The following CLVS1 variants were observed in gnomAD, a reference collection of about 807,000 sequenced individuals.
The protein encoded by CLVS1 is clavesin 1, also known as clavesin-1.
Under a neutral mutation model 33.1 loss-of-function variants are expected in CLVS1, and 10 were observed. The observed-to-expected ratio is 0.30, with a 90% confidence interval of 0.19 to 0.51. The LOEUF is 0.51. Ranked by LOEUF, CLVS1 falls within the 20% of genes least tolerant of loss-of-function variation. The probability of loss-of-function intolerance (pLI) is 0.97; values close to 1 mark genes in which losing one functional copy is unlikely to be tolerated. For missense variants in CLVS1, 343 were observed against 433.4 expected, an observed-to-expected ratio of 0.79 and a Z score of 1.85; for synonymous variants, 163 against 166.1, an observed-to-expected ratio of 0.98 and a Z score of 0.14.
At chr8:61,026,051 A>G in the CLVS1 span, among the ~76,000 whole-genome samples, 1 of 99,012 alleles carries the variant, frequency 1.0e-5, no homozygotes, top group Non-Finnish European at 2.0e-5. Context: ...CTACCCCTCC[A>G]ATTCACATGT....
chr8:61,208,624 C>G (rs1174089485), intron 2 of CLVS1, among the ~76,000 whole-genome samples: 2 of 151,894 alleles, frequency 1.3e-5, no homozygotes, highest in African/African-American at 4.8e-5. Context: ...GAGTCTCACT[C>G]TGTCGCCAGG....
intron 2 of CLVS1, among the ~76,000 whole-genome samples, chr8:61,215,422 T>G (rs988661184): frequency 6.6e-6 from 1 of 152,220 alleles, no homozygotes; most frequent in Non-Finnish European, 1.5e-5. Flanking sequence ...AAAGTCACTG[T>G]GTACCTGAGC....
chr8:61,218,332 T>TGAAAAGAAC (rs1451895720), intron 2 of CLVS1, among the ~76,000 whole-genome samples: 1 of 152,014 alleles, frequency 6.6e-6, no homozygotes, highest in Non-Finnish European at 1.5e-5. Context: ...TAAAAAAGAA[T>TGAAAAGAAC]GAAATCCTGT....
At chr8:61,396,671 T>C (rs1814540156) in intron 3 of CLVS1, among the ~76,000 whole-genome samples, 1 of 152,200 alleles carries the variant, frequency 6.6e-6, no homozygotes, top group Non-Finnish European at 1.5e-5. Context: ...TCATAACCAC[T>C]AACAATCATT....
intron 2 of CLVS1, among the ~76,000 whole-genome samples, chr8:61,269,185 G>A (rs371885062): frequency 1.3e-5 from 2 of 150,486 alleles, no homozygotes; most frequent in Middle Eastern, 3.2e-3. Context: ...ATCTTGAATT[G>A]ATTTTTGTAT....
intron 2 of CLVS1, among the ~76,000 whole-genome samples, chr8:61,179,211 A>C (rs935135110): frequency 4.6e-5 from 7 of 152,234 alleles, no homozygotes; most frequent in Non-Finnish European, 8.8e-5. Context: ...TTATGGAAAA[A>C]CAGACTTTAA....
At chr8:61,370,198 A>T (rs1262916290) in intron 2 of CLVS1, 1 of 32,650 alleles carries the variant, frequency 3.1e-5, no homozygotes, top group Non-Finnish European at 2.2e-4. Flanking sequence ...TTTTTTTATA[A>T]AAAAAATTTT....
chr8:61,335,678 C>T (rs762721600), intron 2 of CLVS1, among the ~76,000 whole-genome samples: 12 of 152,304 alleles, frequency 7.9e-5, no homozygotes, highest in Non-Finnish European at 1.5e-4. Flanking sequence ...AATTTATCTA[C>T]AGTGTATTTT....
rs563180303 is a variant in CLVS1, at chr8:61,266,268, G to A, written c.-151-33409G>A. ...CCCTTGTTTACTTGTGACAATGCCA[G>A]ACACAAACCCTCCAAATTTTCTTTC... On this transcript the variant is annotated intron_variant, in intron 2 of 2. Transcript: ENST00000522621. Among the ~76,000 whole-genome samples the A allele has an allele frequency of 1.2e-4, 18 of 148,974 alleles. No homozygotes were observed. The South Asian group carries it at 3.9e-3, about 32-fold the overall frequency.
At chr8:61,059,164 CA>C (rs1478765606) in intron 1 of CLVS1, among the ~76,000 whole-genome samples, 4 of 151,970 alleles carry the variant, frequency 2.6e-5, no homozygotes, top group African/African-American at 9.7e-5. Context: ...CATACATTAG[CA>C]ACATATGAGA....
chr8:60,990,395 C>T, the CLVS1 span, among the ~76,000 whole-genome samples: 24 of 152,060 alleles, frequency 1.6e-4, no homozygotes, highest in Admixed American at 1.3e-4. Context: ...TAGAGGTGCT[C>T]GTTTGGGTAT....
chr8:60,986,560 C>G, the CLVS1 span, among the ~76,000 whole-genome samples: 1 of 152,236 alleles, frequency 6.6e-6, no homozygotes, highest in Admixed American at 6.5e-5. Flanking sequence ...AGTTTTCTCT[C>G]AAACAAAAAG....
chr8:61,041,216 G>A, the CLVS1 span, among the ~76,000 whole-genome samples: 3 of 152,156 alleles, frequency 2.0e-5, no homozygotes, highest in African/African-American at 7.2e-5. Context: ...CCAGTACCAT[G>A]CTGTTTTGGT....
chr8:61,014,365 C>A, the CLVS1 span, among the ~76,000 whole-genome samples: 1 of 152,244 alleles, frequency 6.6e-6, no homozygotes, highest in East Asian at 1.9e-4. Flanking sequence ...TAATCGGAAG[C>A]CTGAGTTGAT....
Position 61,345,009 on chromosome 8 carries a change from C to T in CLVS1, c.456-31596C>T, listed in dbSNP as rs558015157. Among the ~76,000 whole-genome samples, 4 of 152,262 alleles carry T rather than the reference C, an allele frequency of 2.6e-5. No individual in the cohort carries two copies. The South Asian group carries it at 6.2e-4, about 24-fold the overall frequency. On this transcript the variant is annotated intron_variant, in intron 2 of 5. Coordinates refer to ENST00000325897, the MANE Select transcript of CLVS1 (RefSeq NM_173519.3). ...GTTACCAAAAGGCAAATGTGGATTTCGTTGGCTTGGATTTGCTCATCTGCT... is the reference window on the plus strand; with the variant it reads ...GTTACCAAAAGGCAAATGTGGATTTTGTTGGCTTGGATTTGCTCATCTGCT...
intron 2 of CLVS1, among the ~76,000 whole-genome samples, chr8:61,207,424 G>T (rs1352548202): frequency 5.9e-5 from 3 of 50,934 alleles, no homozygotes; most frequent in Non-Finnish European, 9.1e-5. Context: ...GTGCAGAGGT[G>T]CCTGGGCTCA....
intron 1 of CLVS1, among the ~76,000 whole-genome samples, chr8:61,127,394 T>G (rs1292178456): frequency 6.6e-6 from 1 of 152,108 alleles, no homozygotes; most frequent in Non-Finnish European, 1.5e-5. Context: ...TAATTTTGTA[T>G]TTTTAGTAGA....
At chr8:61,205,792 A>G (rs1394552783) in intron 2 of CLVS1, among the ~76,000 whole-genome samples, 1 of 152,232 alleles carries the variant, frequency 6.6e-6, no homozygotes, top group Non-Finnish European at 1.5e-5. Flanking sequence ...TAAAAATAAT[A>G]TTCATCCTCT....
intron 2 of CLVS1, among the ~76,000 whole-genome samples, chr8:61,363,741 T>C (rs1326161234): frequency 6.6e-6 from 1 of 152,232 alleles, no homozygotes; most frequent in Admixed American, 6.5e-5. Context: ...TTTTGTTTGT[T>C]TCTGATTCTT....
Sources: gnomAD v4.1 joint callset for allele counts (sites outside exome capture counted in the v4.1 genomes callset) on GRCh38, gnomAD v4.1.1 for gene constraint, MANE v1.5 for transcripts, NCBI Gene and HGNC (gene_info 2026-07-23, HGNC 2026-07-21) for gene names.